The following PSD3 variants were observed in gnomAD, a reference collection of about 807,000 sequenced individuals.
PSD3 encodes the protein PH and SEC7 domain-containing protein 3.
A neutral mutation model predicts 105.5 loss-of-function variants in PSD3; 49 were observed. The observed-to-expected ratio is 0.46, with a 90% CI of 0.37 to 0.59. The LOEUF (loss-of-function observed/expected upper bound fraction) is 0.59, where lower values mean the gene tolerates loss of function less well. Ranked by LOEUF, PSD3 falls within the 20% of genes least tolerant of loss-of-function variation. PSD3 has a pLI of 0.00. For synonymous variants in PSD3, 557 were observed against 457.8 expected (o/e 1.22, Z -2.77); for missense variants, 1,561 against 1,263.8 (o/e 1.24, Z -3.57).
chr8:18,822,543 T>C (rs1246052990), intron 4 of PSD3, among the ~76,000 whole-genome samples: 2 of 152,246 alleles, frequency 1.3e-5, no homozygotes, highest in Admixed American at 1.3e-4. Flanking sequence ...GTCTGTGACC[T>C]GGCTGTGATG....
intron 9 of PSD3, among the ~76,000 whole-genome samples, chr8:18,709,178 T>G (rs11203988): frequency 0.084 from 12,770 of 152,186 alleles, 1,158 homozygotes; most frequent in East Asian, 0.22. Flanking sequence ...CCAGGGAGAC[T>G]GGGCAGTTTA....
intron 12 of PSD3, among the ~76,000 whole-genome samples, chr8:18,582,895 G>A (rs570369769): frequency 2.7e-5 from 4 of 145,550 alleles, no homozygotes; most frequent in East Asian, 2.1e-4. Context: ...GCAAGATCTC[G>A]GCTCACTGCA....
chr8:18,554,025 G>A (rs1800927367), intron 15 of PSD3, among the ~76,000 whole-genome samples: 1 of 152,172 alleles, frequency 6.6e-6, no homozygotes, highest in Non-Finnish European at 1.5e-5. Context: ...TCATGTCAGG[G>A]ATTGAAAATG....
intron 9 of PSD3, among the ~76,000 whole-genome samples, chr8:18,660,636 T>C (rs1809277410): frequency 6.6e-6 from 1 of 152,290 alleles, no homozygotes. Flanking sequence ...AAAACACTGA[T>C]TATTGTGCCC....
intron 1 of PSD3, among the ~76,000 whole-genome samples, chr8:19,043,695 T>C (rs1828212273): frequency 6.6e-6 from 1 of 152,152 alleles, no homozygotes. Flanking sequence ...CTTAATGCCT[T>C]AATAAAAGGG....
At chr8:18,853,597 T>G (rs1323866981) in intron 4 of PSD3, among the ~76,000 whole-genome samples, 1 of 152,178 alleles carries the variant, frequency 6.6e-6, no homozygotes, top group East Asian at 1.9e-4. Flanking sequence ...TCTTTGAAGT[T>G]TCAGTAAAAC....
intron 10 of PSD3, among the ~76,000 whole-genome samples, chr8:18,651,040 A>G (rs984809999): frequency 1.3e-5 from 2 of 152,226 alleles, no homozygotes; most frequent in African/African-American, 4.8e-5. Flanking sequence ...CTACGTAAGT[A>G]CCTTTCAAAA....
intron 1 of PSD3, among the ~76,000 whole-genome samples, chr8:19,041,335 A>G (rs1294468581): frequency 1.3e-5 from 2 of 152,174 alleles, no homozygotes; most frequent in Non-Finnish European, 2.9e-5. Flanking sequence ...TATCCTATCT[A>G]TGGGAGTGCC....
chr8:18,921,790 G>C (rs1821039811), intron 2 of PSD3, among the ~76,000 whole-genome samples: 1 of 152,214 alleles, frequency 6.6e-6, no homozygotes, highest in African/African-American at 2.4e-5. Flanking sequence ...GGCTTCAGGA[G>C]ATAATATAAA....
intron 1 of PSD3, among the ~76,000 whole-genome samples, chr8:18,989,839 T>C (rs1023176448): frequency 6.6e-6 from 1 of 152,120 alleles, no homozygotes; most frequent in Non-Finnish European, 1.5e-5. Flanking sequence ...CTAGAATCAA[T>C]GGTGAAGAAA....
At chr8:18,658,673 A>T (rs761844414) in intron 9 of PSD3, among the ~76,000 whole-genome samples, 2 of 151,644 alleles carry the variant, frequency 1.3e-5, no homozygotes, top group Non-Finnish European at 2.9e-5. Flanking sequence ...CACCTATATA[A>T]CTCTTGATCA....
At chr8:19,062,415 G>A (rs1828933874) in intron 1 of PSD3, among the ~76,000 whole-genome samples, 1 of 152,168 alleles carries the variant, frequency 6.6e-6, no homozygotes. Context: ...TTTTGCAGAT[G>A]AGGAAACTGA....
chr8:18,841,708 C>T (rs1232109892), intron 4 of PSD3, among the ~76,000 whole-genome samples: 1 of 152,116 alleles, frequency 6.6e-6, no homozygotes. Context: ...TTTCAAGAGA[C>T]CTCCATCTGG....
At chr8:18,831,488 G>A (rs1024420466) in intron 4 of PSD3, among the ~76,000 whole-genome samples, 6 of 152,130 alleles carry the variant, frequency 3.9e-5, no homozygotes, top group Admixed American at 1.3e-4. Context: ...TTGGGAGGCC[G>A]AGGCAGGCAG....
Position 18,882,861 on chromosome 8 carries a change from A to ACG in PSD3, c.131-10129_131-10128insCG, listed in dbSNP as rs1818203423. On this transcript the variant is annotated intron_variant, in intron 2 of 15. Transcript: ENST00000327040. ...TAGATATATATACACACACACACAC[A>ACG]CACGCACGCACACACACACAGATAT... Among the ~76,000 whole-genome samples the ACG allele has an allele frequency of 2.6e-5, 4 of 152,082 alleles. No individual in the cohort carries two copies. The South Asian group carries it at 8.3e-4, about 32-fold the overall frequency.
At chr8:18,810,489 C>T (rs1351616290) in intron 4 of PSD3, among the ~76,000 whole-genome samples, 1 of 152,102 alleles carries the variant, frequency 6.6e-6, no homozygotes, top group Non-Finnish European at 1.5e-5. Context: ...CTTTAATAAA[C>T]AGTATACTAT....
chr8:18,851,644 T>C (rs1315356391), intron 4 of PSD3, among the ~76,000 whole-genome samples: 1 of 152,190 alleles, frequency 6.6e-6, no homozygotes, highest in Non-Finnish European at 1.5e-5. Flanking sequence ...GCGGTTCCCA[T>C]CAAGGGAGCT....
At chr8:18,584,783 C>T (rs1803051616) in intron 12 of PSD3, among the ~76,000 whole-genome samples, 1 of 152,152 alleles carries the variant, frequency 6.6e-6, no homozygotes, top group African/African-American at 2.4e-5. Context: ...TTAAATGTCT[C>T]TTCAAAAAGG....
chr8:18,652,204 G>C (rs1016003009), intron 10 of PSD3, among the ~76,000 whole-genome samples: 2 of 152,108 alleles, frequency 1.3e-5, no homozygotes, highest in African/African-American at 4.8e-5. Context: ...CATCCTGCAG[G>C]AAAATGCAAA....
Sources: gnomAD v4.1 joint callset for allele counts (sites outside exome capture counted in the v4.1 genomes callset) on GRCh38, gnomAD v4.1.1 for gene constraint, MANE v1.5 for transcripts, NCBI Gene and HGNC (gene_info 2026-07-23, HGNC 2026-07-21) for gene names.